The following KYAT1 variants were observed in gnomAD, a reference collection of about 807,000 sequenced individuals.
The protein encoded by KYAT1 is kynurenine--oxoglutarate transaminase 1.
In KYAT1, 47 loss-of-function variants were observed where a neutral mutation model predicts 52.4. The observed-to-expected ratio is 0.90, with a 90% confidence interval of 0.71 to 1.14. KYAT1 has a LOEUF of 1.14. Among genes scored for constraint, KYAT1 ranks in the 50% most tolerant of loss-of-function variants. The pLI, the probability that KYAT1 is intolerant of heterozygous loss-of-function variation, is 0.00. For synonymous variants in KYAT1, 212 were observed against 209.6 expected (o/e 1.01, Z -0.10); for missense variants, 480 against 557.9 (o/e 0.86, Z 1.41).
At chr9:128,866,821 G>A (rs971882538) in intron 1 of KYAT1, among the ~76,000 whole-genome samples, 1 of 150,428 alleles carries the variant, frequency 6.6e-6, no homozygotes, top group Non-Finnish European at 1.5e-5. Flanking sequence ...CAGGAGAATC[G>A]CTTGAGCCCA....
At chr9:128,858,395 T>TGAAAAAAA (rs67073521) in intron 1 of KYAT1, among the ~76,000 whole-genome samples, 1 of 65,102 alleles carries the variant, frequency 1.5e-5, no homozygotes, top group Non-Finnish European at 2.4e-5. Flanking sequence ...AGACCATGTA[T>TGAAAAAAA]AAAAAAAAAA....
intron 3 of KYAT1, among the ~76,000 whole-genome samples, chr9:128,838,833 C>T (rs1017146934): frequency 6.6e-6 from 1 of 152,212 alleles, no homozygotes; most frequent in African/African-American, 2.4e-5. Context: ...AACCTCAGTC[C>T]AAGAGCCCAC....
chr9:128,857,027 A>G (rs1039423676), intron 1 of KYAT1, among the ~76,000 whole-genome samples: 5 of 152,248 alleles, frequency 3.3e-5, no homozygotes, highest in Non-Finnish European at 7.3e-5. Flanking sequence ...CTGAGATAGG[A>G]GAAAAACCGC....
intron 1 of KYAT1, among the ~76,000 whole-genome samples, chr9:128,872,748 A>G (rs1207042205): frequency 6.6e-6 from 1 of 150,720 alleles, no homozygotes; most frequent in Non-Finnish European, 1.5e-5. Context: ...AGCCTGGGTG[A>G]CAGAGCGAGA....
At chr9:128,836,216 C>T (rs912086912) in intron 7 of KYAT1, 143 bp from the exon 8 acceptor site, 1 of 571,830 alleles carries the variant, frequency 1.7e-6, no homozygotes, top group South Asian at 2.7e-5. Flanking sequence ...AATTTTTTTT[C>T]TTTCTTTCTT....
At chr9:128,875,336 T>C (rs1837853382) in intron 1 of KYAT1, among the ~76,000 whole-genome samples, 1 of 148,776 alleles carries the variant, frequency 6.7e-6, no homozygotes, top group Non-Finnish European at 1.5e-5. Context: ...CTTGGCTCAC[T>C]GGCGTGGTGG....
At chr9:128,837,629 G>C (rs1831352412) in intron 6 of KYAT1, 56 bp downstream of exon 6, 1 of 1,605,084 alleles carries the variant, frequency 6.2e-7, no homozygotes, top group Admixed American at 1.7e-5. Context: ...CTCAGTAACA[G>C]TGCAGGAGAC....
intron 1 of KYAT1, among the ~76,000 whole-genome samples, chr9:128,875,843 C>T (rs1239782967): frequency 6.6e-6 from 1 of 152,170 alleles, no homozygotes; most frequent in African/African-American, 2.4e-5. Context: ...ACACCTCTAT[C>T]AGCCTGGGCA....
intron 1 of KYAT1, among the ~76,000 whole-genome samples, chr9:128,864,092 G>A (rs771790322): frequency 1.3e-5 from 2 of 152,080 alleles, no homozygotes; most frequent in African/African-American, 2.4e-5. Context: ...GCCGGGCGCG[G>A]TGGCTCACAC....
intron 1 of KYAT1, among the ~76,000 whole-genome samples, chr9:128,874,945 G>A (rs1408977468): frequency 1.3e-5 from 2 of 151,622 alleles, no homozygotes; most frequent in Admixed American, 1.3e-4. Context: ...GGCTGGTCTC[G>A]AACTCCTGAC....
chr9:128,841,080 G>C (rs1372768078), intron 3 of KYAT1, among the ~76,000 whole-genome samples: 1 of 152,212 alleles, frequency 6.6e-6, no homozygotes, highest in Non-Finnish European at 1.5e-5. Flanking sequence ...CCATTAAAAA[G>C]AACGAGTGCG....
intron 1 of KYAT1, among the ~76,000 whole-genome samples, chr9:128,849,767 G>C (rs1275922843): frequency 1.4e-5 from 2 of 140,028 alleles, no homozygotes; most frequent in Admixed American, 7.4e-5. Flanking sequence ...CTGCACTCCA[G>C]CCTGGGAGAC....
chr9:128,863,852 G>A (rs1270085269), intron 1 of KYAT1, among the ~76,000 whole-genome samples: 1 of 152,128 alleles, frequency 6.6e-6, no homozygotes, highest in African/African-American at 2.4e-5. Context: ...TCACAGAGGA[G>A]GCCCAAAGCA....
chr9:128,852,846 A>G lies in KYAT1; in HGVS notation c.-6-7435T>C, dbSNP rs1330113119. On this transcript the variant is annotated intron_variant, in intron 1 of 12. Coordinates refer to ENST00000302586, the MANE Select transcript of KYAT1 (RefSeq NM_004059.5). ...CTTGAGAGGGGATCCAGACTTAAAC[A>G]GTAAAAAACCATTAACTCCAGAAGC... is the stretch of plus-strand genomic sequence containing the variant. Among the ~76,000 whole-genome samples the G allele has an allele frequency of 2.0e-5, 3 of 152,238 alleles. No individual in the cohort carries two copies. The East Asian group carries it at 5.8e-4, about 29-fold the overall frequency.
chr9:128,845,792 G>A (rs1832999021), intron 1 of KYAT1, among the ~76,000 whole-genome samples: 1 of 152,224 alleles, frequency 6.6e-6, no homozygotes, highest in Admixed American at 6.5e-5. Context: ...GTGGAGCGGA[G>A]AGGGAGGATA....
chr9:128,874,256 CAA>C (rs200368642), intron 1 of KYAT1, among the ~76,000 whole-genome samples: 8 of 134,294 alleles, frequency 6.0e-5, no homozygotes, highest in Non-Finnish European at 8.1e-5. Context: ...AACTTCATTC[CAA>C]AAAAAAAAAA....
intron 1 of KYAT1, among the ~76,000 whole-genome samples, chr9:128,864,561 C>G (rs12554930): frequency 0.11 from 16,242 of 151,998 alleles, 1,072 homozygotes; most frequent in South Asian, 0.17. Context: ...CATTTGCTGT[C>G]TCTGCGATTT....
Position 128,836,218 on chromosome 9 carries a change from T to C in KYAT1, c.689-145A>G. On this transcript the variant is annotated intron_variant, in intron 7 of 12. Coordinates refer to ENST00000302586, the MANE Select transcript of KYAT1 (RefSeq NM_004059.5). The stretch of plus-strand genomic sequence containing the variant: ...AAGTTATTTGCACAATTTTTTTTCT[T>C]TCTTTCTTCCTTTCCTTTCCTTCCT... 7.0e-6 allele frequency: 4 copies of C among 575,154 alleles called. No homozygotes were observed. The South Asian group carries it at 7.8e-5, about 11-fold the overall frequency. The allele number at this position is 575,154 out of a possible 1,614,324, so 35.6% of individuals were successfully genotyped here.
chr9:128,838,608 A>G lies in KYAT1; in HGVS notation c.202-241T>C, dbSNP rs1407164162. ...TCTCAACAACCCAGAGGCAGGTGCT[A>G]TTGTGATCCTGTGTACTCTGGGAGG... is the stretch of plus-strand genomic sequence containing the variant. On this transcript the variant is annotated intron_variant, in intron 3 of 12. Coordinates refer to ENST00000302586, the MANE Select transcript of KYAT1 (RefSeq NM_004059.5). 2.0e-5 allele frequency among the ~76,000 whole-genome samples: 3 copies of G among 152,326 alleles called. No individual in the cohort carries two copies. In the East Asian group the frequency reaches 5.8e-4, roughly 29 times the overall value.
Sources: gnomAD v4.1 joint callset for allele counts (sites outside exome capture counted in the v4.1 genomes callset) on GRCh38, gnomAD v4.1.1 for gene constraint, MANE v1.5 for transcripts, NCBI Gene and HGNC (gene_info 2026-07-23, HGNC 2026-07-21) for gene names.